The following ST3GAL3 variants were observed in gnomAD, a reference collection of about 807,000 sequenced individuals.
ST3GAL3 encodes the protein ST3 beta-galactoside alpha-2,3-sialyltransferase 3, also known as CMP-N-acetylneuraminate-beta-1,4-galactoside alpha-2,3-sialyltransferase.
In ST3GAL3, 21 loss-of-function variants were observed where a neutral mutation model predicts 50.1. That is an observed-to-expected ratio of 0.42 (90% CI 0.30 to 0.60). ST3GAL3 has a LOEUF of 0.60. ST3GAL3 is among the 20% of genes least tolerant of loss of function. The pLI, the probability that ST3GAL3 is intolerant of heterozygous loss-of-function variation, is 0.19. For missense variants in ST3GAL3, 353 were observed against 489.4 expected, an observed-to-expected ratio of 0.72 and a Z score of 2.63; for synonymous variants, 183 against 190.0, an observed-to-expected ratio of 0.96 and a Z score of 0.30.
intron 6 of ST3GAL3, among the ~76,000 whole-genome samples, chr1:43,897,217 G>A (rs992775049): frequency 6.6e-6 from 1 of 152,032 alleles, no homozygotes; most frequent in Non-Finnish European, 1.5e-5. Context: ...ACGCCTAGGA[G>A]CATAGTTGTA....
At chr1:43,766,522 A>G (rs1323589930) in intron 2 of ST3GAL3, among the ~76,000 whole-genome samples, 1 of 152,170 alleles carries the variant, frequency 6.6e-6, no homozygotes, top group Non-Finnish European at 1.5e-5. Flanking sequence ...GACCTGGGAA[A>G]GTGCTCTAGC....
intron 9 of ST3GAL3, chr1:43,914,560 G>C (rs184471107): frequency 6.6e-6 from 1 of 152,214 alleles, no homozygotes; most frequent in East Asian, 1.9e-4. Flanking sequence ...TGAACGTATC[G>C]TGTCGTATCG....
rs769371329 is a variant in ST3GAL3 at position 43,817,325 on chromosome 1, T to TCTTCTTC, written c.209+2414_209+2420dup. On this transcript the variant is annotated intron_variant, in intron 4 of 11. Transcript: ENST00000347631. Reference sequence around the variant, plus strand: ...GGGATTCATTTAGCTTGCTGCTTCTTCTTCTTCCTTCTTCCTTCTTCCTTC... The same window carrying TCTTCTTC: ...GGGATTCATTTAGCTTGCTGCTTCTTCTTCTTCCTTCTTCCTTCTTCCTTCTTCCTTC... 1.9e-4 allele frequency among the ~76,000 whole-genome samples: 29 copies of TCTTCTTC among 152,136 alleles called. No individual in the cohort carries two copies. The East Asian group carries it at 2.3e-3, about 12-fold the overall frequency.
chr1:43,751,462 T>C (rs377455800), intron 2 of ST3GAL3, among the ~76,000 whole-genome samples: 75 of 152,174 alleles, frequency 4.9e-4, no homozygotes, highest in African/African-American at 1.6e-3. Context: ...ATGGAAACAA[T>C]AAAAGATTGA....
At chr1:43,820,915 G>C (rs2154183856) in intron 4 of ST3GAL3, among the ~76,000 whole-genome samples, 1 of 152,302 alleles carries the variant, frequency 6.6e-6, no homozygotes, top group African/African-American at 2.4e-5. Flanking sequence ...GGTGACAATA[G>C]TAATACCAAG....
In ST3GAL3 at chr1:43,718,251, G is replaced by A. The variant is rs182708090; in HGVS notation, c.-31+10558G>A. Reference sequence around the variant, plus strand: ...GTCGCCCAGGCTGGAGTGCAGTGGCGCGATCTTGGCTCACTGCAAGCTATC... The same window carrying A: ...GTCGCCCAGGCTGGAGTGCAGTGGCACGATCTTGGCTCACTGCAAGCTATC... On this transcript the variant is annotated intron_variant, in intron 1 of 11. Coordinates refer to ENST00000347631, the MANE Select transcript of ST3GAL3 (RefSeq NM_006279.5). 4.8e-3 allele frequency among the ~76,000 whole-genome samples: 668 copies of A among 138,766 alleles called. 8 individuals carry two copies. Among genetic ancestry groups the A allele is most frequent in the African/African-American group, 0.018 (639 of 36,214 alleles). The allele number at this position is 138,766 out of a possible 152,430, so 91.0% of individuals were successfully genotyped here.
intron 3 of ST3GAL3, among the ~76,000 whole-genome samples, chr1:43,803,640 C>A (rs1482230167): frequency 6.6e-6 from 1 of 152,192 alleles, no homozygotes; most frequent in East Asian, 1.9e-4. Context: ...TGTCCAGTTT[C>A]TGAACCTTTT....
At chr1:43,769,111 T>C (rs932450578) in intron 2 of ST3GAL3, among the ~76,000 whole-genome samples, 2 of 152,198 alleles carry the variant, frequency 1.3e-5, no homozygotes, top group Non-Finnish European at 2.9e-5. Context: ...AATTCATCAG[T>C]GTAATTAATC....
intron 3 of ST3GAL3, among the ~76,000 whole-genome samples, chr1:43,798,831 T>C (rs1055979872): frequency 5.3e-5 from 8 of 152,212 alleles, no homozygotes; most frequent in African/African-American, 1.9e-4. Flanking sequence ...ATCGCCGGTA[T>C]TTAGAATGCG....
chr1:43,851,406 C>A, intron 5 of ST3GAL3: 1 of 1,611,106 alleles, frequency 6.2e-7, no homozygotes. Context: ...GTTGACCCCC[C>A]AGCACTGTGG....
chr1:43,926,568 G>T (rs560581966), intron 11 of ST3GAL3, among the ~76,000 whole-genome samples: 36 of 146,108 alleles, frequency 2.5e-4, no homozygotes, highest in African/African-American at 8.6e-4. Context: ...TTGCACCATT[G>T]CACTCCAGCC....
In ST3GAL3 at chr1:43,880,681, C is replaced by G. The variant is rs1354458829; in HGVS notation, c.303-13702C>G. ...CTGATCTCTGTCTTGAACACTTGCT[C>G]ACTTCTTTCCCTCCTCAACCCCTGC... On this transcript the variant is annotated intron_variant, in intron 5 of 11. Coordinates refer to ENST00000347631, the MANE Select transcript of ST3GAL3 (RefSeq NM_006279.5). Among the ~76,000 whole-genome samples the G allele has an allele frequency of 2.0e-5, 3 of 152,204 alleles. No homozygotes were observed. The East Asian group carries it at 5.8e-4, about 29-fold the overall frequency.
At chr1:43,736,559 T>C (rs1269386744) in intron 2 of ST3GAL3, 179 bp downstream of exon 2, 3 of 1,110,340 alleles carry the variant, frequency 2.7e-6, no homozygotes, top group Non-Finnish European at 4.0e-6. Context: ...AGAACTTTGA[T>C]GTTTTTTAAA....
At chr1:43,718,987 C>G (rs1259111002) in intron 1 of ST3GAL3, 1 of 152,234 alleles carries the variant, frequency 6.6e-6, no homozygotes, top group African/African-American at 2.4e-5. Context: ...CACACCAGGC[C>G]TCTTACCTGC....
chr1:43,786,384 G>C (rs1359027133), intron 2 of ST3GAL3, among the ~76,000 whole-genome samples: 1 of 152,060 alleles, frequency 6.6e-6, no homozygotes, highest in Non-Finnish European at 1.5e-5. Context: ...TCTGTGCTCT[G>C]TGCGCCAGCA....
chr1:43,716,161 C>T (rs912386176), intron 1 of ST3GAL3, among the ~76,000 whole-genome samples: 2 of 152,154 alleles, frequency 1.3e-5, no homozygotes, highest in African/African-American at 2.4e-5. Context: ...ATATTAATGG[C>T]AAAAACCACA....
At chr1:43,764,516 T>C (rs1418554689) in intron 2 of ST3GAL3, among the ~76,000 whole-genome samples, 1 of 151,936 alleles carries the variant, frequency 6.6e-6, no homozygotes. Context: ...TAGGGAGTGG[T>C]TATGGAATCA....
intron 1 of ST3GAL3, among the ~76,000 whole-genome samples, chr1:43,734,908 T>C (rs958362868): frequency 6.6e-6 from 1 of 152,092 alleles, no homozygotes; most frequent in Non-Finnish European, 1.5e-5. Flanking sequence ...TGGCCAATGT[T>C]ACATTTTACA....
chr1:43,861,842 A>T (rs2070016715), intron 5 of ST3GAL3, among the ~76,000 whole-genome samples: 1 of 152,200 alleles, frequency 6.6e-6, no homozygotes, highest in African/African-American at 2.4e-5. Context: ...CAGCCTGGTC[A>T]ACATGGAGAA....
Sources: allele counts gnomAD v4.1 joint callset (sites outside exome capture counted in the v4.1 genomes callset), GRCh38; gene constraint gnomAD v4.1.1; transcripts MANE v1.5; gene names NCBI Gene and HGNC (gene_info 2026-07-23, HGNC 2026-07-21).